The following HOMER2 variants were observed in gnomAD, a reference collection of about 807,000 sequenced individuals.
HOMER2 encodes the protein homer protein homolog 2.
In HOMER2, 27 loss-of-function variants were observed where a neutral mutation model predicts 47.0. The ratio of observed to expected loss-of-function variants is 0.57; its 90% CI spans 0.42 to 0.79. HOMER2 has a LOEUF of 0.79. Among genes scored for constraint, HOMER2 ranks in the 30% least tolerant of loss-of-function variants. The probability of loss-of-function intolerance (pLI) is 0.00; values close to 1 mark genes in which losing one functional copy is unlikely to be tolerated. For missense variants in HOMER2, 443 were observed against 435.0 expected (o/e 1.02, Z -0.16); for synonymous variants, 161 against 163.8 (o/e 0.98, Z 0.13).
At chr15:82,977,461 G>A (rs1167812474) in intron 1 of HOMER2, among the ~76,000 whole-genome samples, 1 of 152,210 alleles carries the variant, frequency 6.6e-6, no homozygotes, top group East Asian at 1.9e-4. Context: ...TGCTTCAACT[G>A]TTGTGACCAT....
Position 82,905,181 on chromosome 15 carries a change from C to G in HOMER2, c.6-12340G>C, listed in dbSNP as rs548519563. ...AGACAGGACAGGGCTGAGGAAAGAA[C>G]CTTTCTCAGTCTTCAAGGCAGCCTT... On this transcript the variant is annotated intron_variant, in intron 1 of 8. Coordinates refer to ENST00000450735, the MANE Select transcript of HOMER2 (RefSeq NM_004839.4). Among the ~76,000 whole-genome samples, 7 of 151,896 alleles carry G rather than the reference C, an allele frequency of 4.6e-5. No homozygotes were observed. In the South Asian group the frequency reaches 1.2e-3, roughly 27 times the overall value.
intron 3 of HOMER2, among the ~76,000 whole-genome samples, chr15:82,868,040 TAAAAA>T (rs1214934437): frequency 1.3e-5 from 2 of 151,992 alleles, no homozygotes; most frequent in Admixed American, 6.6e-5. Flanking sequence ...CCCTTATTCT[TAAAAA>T]AATATATATA....
chr15:82,893,514 G>A (rs1425615828), intron 1 of HOMER2, among the ~76,000 whole-genome samples: 2 of 151,750 alleles, frequency 1.3e-5, no homozygotes, highest in Admixed American at 1.3e-4. Flanking sequence ...TGTATTTATA[G>A]TAGAGACGGG....
chr15:82,944,472 GA>G (rs2054329533), intron 1 of HOMER2, among the ~76,000 whole-genome samples: 1 of 152,078 alleles, frequency 6.6e-6, no homozygotes. Flanking sequence ...ACCCTGGGGG[GA>G]AAAAACAAAG....
chr15:82,854,569 A>T, intron 6 of HOMER2, 75 bp downstream of exon 6: 1 of 1,470,926 alleles, frequency 6.8e-7, no homozygotes, highest in Non-Finnish European at 9.2e-7. Context: ...GAGGGAGAAA[A>T]AGGGTTGTGG....
intron 1 of HOMER2, among the ~76,000 whole-genome samples, chr15:82,910,733 A>G (rs2053428414): frequency 6.6e-6 from 1 of 152,092 alleles, no homozygotes; most frequent in Non-Finnish European, 1.5e-5. Context: ...CTCCCTTCTA[A>G]ATTCCTCAGA....
rs1053069374 is a variant in HOMER2, at chr15:82,891,782, A to G, written c.162+903T>C. 3.3e-5 allele frequency among the ~76,000 whole-genome samples: 5 copies of G among 152,324 alleles called. No individual in the cohort carries two copies. In the East Asian group the frequency reaches 9.6e-4, roughly 29 times the overall value. On this transcript the variant is annotated intron_variant, in intron 2 of 8. Coordinates refer to ENST00000450735, the MANE Select transcript of HOMER2 (RefSeq NM_004839.4). Reference sequence around the variant, plus strand: ...AGCAGGCACGAGTGGGTGACACTTCAAAGGCAGATTCACTTGACAAACTTA... The same window carrying G: ...AGCAGGCACGAGTGGGTGACACTTCGAAGGCAGATTCACTTGACAAACTTA...
intron 1 of HOMER2, among the ~76,000 whole-genome samples, chr15:82,932,536 G>T (rs8028643): frequency 0.03 from 4,586 of 151,954 alleles, 218 homozygotes; most frequent in African/African-American, 0.11. Flanking sequence ...AAAAGACCTG[G>T]GGAAGAGCTA....
At chr15:82,860,421 CCTAA>C (rs1299539549) in intron 4 of HOMER2, among the ~76,000 whole-genome samples, 5 of 151,922 alleles carry the variant, frequency 3.3e-5, no homozygotes, top group Non-Finnish European at 7.4e-5. Context: ...GTCATAATTT[CCTAA>C]CTGTTAAAGC....
At chr15:82,869,840 CT>C (rs1387160645) in intron 3 of HOMER2, among the ~76,000 whole-genome samples, 5 of 152,080 alleles carry the variant, frequency 3.3e-5, no homozygotes, top group Admixed American at 2.0e-4. Flanking sequence ...GATGTTAGGG[CT>C]TTTAAATTTT....
chr15:82,973,632 C>T (rs2151258982), intron 1 of HOMER2, among the ~76,000 whole-genome samples: 1 of 152,324 alleles, frequency 6.6e-6, no homozygotes, highest in East Asian at 1.9e-4. Flanking sequence ...AACAGTGCAA[C>T]TGTTTGTTAA....
At chr15:82,895,091 C>T (rs1036132330) in intron 1 of HOMER2, among the ~76,000 whole-genome samples, 3 of 152,220 alleles carry the variant, frequency 2.0e-5, no homozygotes, top group African/African-American at 7.2e-5. Flanking sequence ...TCTCCTCAGG[C>T]ATGCTATTAA....
At chr15:82,940,452 G>T (rs890056616) in intron 1 of HOMER2, among the ~76,000 whole-genome samples, 1 of 152,172 alleles carries the variant, frequency 6.6e-6, no homozygotes, top group African/African-American at 2.4e-5. Context: ...TAAAAAATTA[G>T]CTGTGCATGG....
intron 1 of HOMER2, among the ~76,000 whole-genome samples, chr15:82,940,663 A>G (rs2054245364): frequency 1.3e-5 from 2 of 151,850 alleles, no homozygotes; most frequent in Admixed American, 1.3e-4. Flanking sequence ...AATGGCGTGA[A>G]CCTGAGAGGT....
At chr15:82,934,231 C>T (rs1238471992) in intron 1 of HOMER2, among the ~76,000 whole-genome samples, 1 of 152,132 alleles carries the variant, frequency 6.6e-6, no homozygotes, top group African/African-American at 2.4e-5. Context: ...GCCACCTGTT[C>T]CCACCCACCT....
At chr15:82,870,337 G>A (rs2052136033) in intron 3 of HOMER2, among the ~76,000 whole-genome samples, 1 of 152,154 alleles carries the variant, frequency 6.6e-6, no homozygotes, top group African/African-American at 2.4e-5. Context: ...TTGATAATGG[G>A]GCCCCAGAAG....
intron 1 of HOMER2, among the ~76,000 whole-genome samples, chr15:82,933,033 C>A (rs1327786376): frequency 6.6e-6 from 1 of 152,056 alleles, no homozygotes; most frequent in Non-Finnish European, 1.5e-5. Flanking sequence ...TCACTGTCAG[C>A]TCAAGTTGTC....
chr15:82,942,544 C>A (rs1391100086), intron 1 of HOMER2, among the ~76,000 whole-genome samples: 1 of 152,182 alleles, frequency 6.6e-6, no homozygotes, highest in East Asian at 1.9e-4. Flanking sequence ...CCACCGATGT[C>A]CATCACTGTG....
intron 1 of HOMER2, among the ~76,000 whole-genome samples, chr15:82,897,381 A>C (rs1053197203): frequency 1.3e-5 from 2 of 151,942 alleles, no homozygotes; most frequent in African/African-American, 4.8e-5. Context: ...ATTATTTCTA[A>C]GTGACATGGA....
Sources: gnomAD v4.1 joint callset for allele counts (sites outside exome capture counted in the v4.1 genomes callset) on GRCh38, gnomAD v4.1.1 for gene constraint, MANE v1.5 for transcripts, NCBI Gene and HGNC (gene_info 2026-07-23, HGNC 2026-07-21) for gene names.